The following PRIM2 variants were observed in gnomAD, a reference collection of about 807,000 sequenced individuals.
The protein encoded by PRIM2 is DNA primase large subunit.
In PRIM2, 39 loss-of-function variants were observed where a neutral mutation model predicts 67.3. That is an observed-to-expected ratio of 0.58 (90% confidence interval 0.45 to 0.76). PRIM2 has a LOEUF of 0.76. Ranked by LOEUF, PRIM2 falls within the 30% of genes least tolerant of loss-of-function variation. PRIM2 has a pLI of 0.00. For synonymous variants in PRIM2, 143 were observed against 198.7 expected, an observed-to-expected ratio of 0.72 and a Z score of 2.36; for missense variants, 398 against 598.7, an observed-to-expected ratio of 0.66 and a Z score of 3.50.
In PRIM2 at chr6:57,413,766, A is replaced by G. The variant is rs537631758; in HGVS notation, c.693+31598A>G. 3.3e-5 allele frequency among the ~76,000 whole-genome samples: 5 copies of G among 152,258 alleles called. 1 individual carries two copies. The South Asian group carries it at 1.0e-3, about 32-fold the overall frequency. ...CATTAAAAAATCATCAAAGTGTCAAATATTCCAATATATTAATACTGTTGT... is the reference window on the plus strand; with the variant it reads ...CATTAAAAAATCATCAAAGTGTCAAGTATTCCAATATATTAATACTGTTGT... On this transcript the variant is annotated intron_variant, in intron 7 of 13. Transcript: ENST00000615550.
chr6:57,238,250 C>T, the PRIM2 span, among the ~76,000 whole-genome samples: 1 of 152,344 alleles, frequency 6.6e-6, no homozygotes, highest in African/African-American at 2.4e-5. Context: ...CCCAAATCAA[C>T]AGAATATACA....
the PRIM2 span, among the ~76,000 whole-genome samples, chr6:57,241,688 A>ATT: frequency 0.046 from 5,476 of 118,964 alleles, 502 homozygotes; most frequent in African/African-American, 0.14. Context: ...AGAACTATGT[A>ATT]TTTTTTTTTT....
the PRIM2 span, among the ~76,000 whole-genome samples, chr6:57,275,804 T>C: frequency 6.6e-6 from 1 of 152,152 alleles, no homozygotes; most frequent in Non-Finnish European, 1.5e-5. Flanking sequence ...AATTGGACTT[T>C]CTCCCAGTGG....
intron 11 of PRIM2, among the ~76,000 whole-genome samples, chr6:57,601,454 T>C (rs1776465810): frequency 6.6e-6 from 1 of 152,378 alleles, no homozygotes; most frequent in Non-Finnish European, 1.5e-5. Flanking sequence ...TGGATTAGGC[T>C]TTTCAGTTCT....
At chr6:57,315,789 T>A (rs1175346407), upstream of PRIM2, among the ~76,000 whole-genome samples, 3 of 152,114 alleles carry the variant, frequency 2.0e-5, no homozygotes, top group Non-Finnish European at 4.4e-5. Context: ...AATTTTATAC[T>A]TTTTATGGTC....
Position 57,645,938 on chromosome 6 carries a change from G to T in PRIM2, c.1310G>T (p.Cys437Phe). 6.4e-7 allele frequency: 1 copy of T among 1,567,578 alleles called. No individual in the cohort carries two copies. Among genetic ancestry groups the T allele is most frequent in the South Asian group, 1.1e-5 (1 of 89,658 alleles). ...YFEMIHNVDD[C>F]GFSLNHPNQF... Reference sequence around the variant, plus strand: ...TTCCTTCCTTTACAGGTGGATGATTGTGGCTTTTCTTTGAATCATCCTAAT... The same window carrying T: ...TTCCTTCCTTTACAGGTGGATGATTTTGGCTTTTCTTTGAATCATCCTAAT... The change falls in exon 14 of 14, where the codon TGT becomes TTT. Residue 437 changes from cysteine to phenylalanine, a missense_variant. Transcript: ENST00000615550.
intron 7 of PRIM2, among the ~76,000 whole-genome samples, chr6:57,403,132 T>C (rs1255700400): frequency 1.3e-5 from 2 of 152,192 alleles, no homozygotes; most frequent in Non-Finnish European, 2.9e-5. Context: ...ATTTTAGGTT[T>C]TTGATAGAAC....
At chr6:57,541,973 GTTTT>G (rs1161553496) in intron 10 of PRIM2, among the ~76,000 whole-genome samples, 1 of 114,736 alleles carries the variant, frequency 8.7e-6, no homozygotes, top group African/African-American at 3.6e-5. Flanking sequence ...TTGTGTTTTG[GTTTT>G]TTTTTTTTTT....
chr6:57,536,192 A>T (rs1362729321), intron 9 of PRIM2, among the ~76,000 whole-genome samples: 1 of 152,198 alleles, frequency 6.6e-6, no homozygotes, highest in Non-Finnish European at 1.5e-5. Flanking sequence ...GCAAAGTGAG[A>T]CCTGCTCTTT....
the PRIM2 span, among the ~76,000 whole-genome samples, chr6:57,235,182 A>T: frequency 1.3e-5 from 2 of 151,930 alleles, no homozygotes; most frequent in South Asian, 2.1e-4. Context: ...AAAGTGAAAT[A>T]CCAGGCACGG....
intron 13 of PRIM2, among the ~76,000 whole-genome samples, chr6:57,640,842 T>C (rs1777218650): frequency 1.3e-5 from 2 of 152,002 alleles, no homozygotes; most frequent in African/African-American, 4.8e-5. Flanking sequence ...CCTATCAAGC[T>C]ACCATTGACT....
intron 7 of PRIM2, among the ~76,000 whole-genome samples, chr6:57,503,397 A>G (rs1237007278): frequency 2.5e-4 from 38 of 152,302 alleles, no homozygotes; most frequent in Admixed American, 2.4e-3. Flanking sequence ...CTTTATTTCT[A>G]ACAATCATTT....
chr6:57,543,657 C>T (rs1450130965), intron 10 of PRIM2, among the ~76,000 whole-genome samples: 2 of 152,188 alleles, frequency 1.3e-5, no homozygotes, highest in Non-Finnish European at 2.9e-5. Flanking sequence ...TTTCTTTACC[C>T]TAACTTCTAA....
At chr6:57,263,981 GT>G in the PRIM2 span, among the ~76,000 whole-genome samples, 2 of 152,208 alleles carry the variant, frequency 1.3e-5, no homozygotes, top group Admixed American at 1.3e-4. Context: ...GTATTTGTGA[GT>G]TCCTTGGGTT....
At chr6:57,454,020 C>T (rs951566240) in intron 7 of PRIM2, among the ~76,000 whole-genome samples, 2 of 152,126 alleles carry the variant, frequency 1.3e-5, no homozygotes, top group African/African-American at 4.8e-5. Flanking sequence ...TTGTCAAAGG[C>T]CTTTTCTGCA....
intron 7 of PRIM2, among the ~76,000 whole-genome samples, chr6:57,503,493 G>A (rs1473611418): frequency 2.9e-4 from 44 of 152,066 alleles, no homozygotes; most frequent in Non-Finnish European, 3.1e-4. Context: ...TCACGTGTAC[G>A]ATCCCAGCAC....
chr6:57,577,427 ATTTTTTTTT>A (rs1161633688), intron 10 of PRIM2, among the ~76,000 whole-genome samples: 114 of 120,566 alleles, frequency 9.5e-4, no homozygotes, highest in Middle Eastern at 3.9e-3. Context: ...TGGTATATAA[ATTTTTTTTT>A]TTTTTTTTTT....
rs1449727968 is a variant in PRIM2, at chr6:57,508,733, G to C, written c.761+1279G>C. Among the ~76,000 whole-genome samples the C allele has an allele frequency of 9.2e-3, 1,399 of 152,292 alleles. 19 individuals carry two copies. The highest frequency in any genetic ancestry group is 0.032 in the African/African-American group (1,320 of 41,562). On this transcript the variant is annotated intron_variant, in intron 8 of 13. Transcript: ENST00000615550. ...GACATAGAGATACTATTGTGATCCT[G>C]TGCATTTTGTTGGTAATAATAATTC...
chr6:57,276,451 A>C, the PRIM2 span, among the ~76,000 whole-genome samples: 1 of 36,072 alleles, frequency 2.8e-5, no homozygotes, highest in Admixed American at 4.2e-4. Flanking sequence ...ATTTACATAT[A>C]TATATATATA....
Sources: gnomAD v4.1 joint callset for allele counts (sites outside exome capture counted in the v4.1 genomes callset) on GRCh38, gnomAD v4.1.1 for gene constraint, MANE v1.5 for transcripts, NCBI Gene and HGNC (gene_info 2026-07-23, HGNC 2026-07-21) for gene names.